The following CHCHD3 variants were observed in gnomAD, a reference collection of about 807,000 sequenced individuals.
CHCHD3 encodes the protein coiled-coil-helix-coiled-coil-helix domain containing 3, also known as MICOS complex subunit MIC19.
A neutral mutation model predicts 38.2 loss-of-function variants in CHCHD3; 20 were observed. The ratio of observed to expected loss-of-function variants is 0.52; its 90% CI spans 0.37 to 0.76. The LOEUF (loss-of-function observed/expected upper bound fraction) is 0.76, where lower values mean the gene tolerates loss of function less well. CHCHD3 is among the 30% of genes least tolerant of loss of function. CHCHD3 has a pLI of 0.00. For synonymous variants in CHCHD3, 82 were observed against 100.0 expected, an observed-to-expected ratio of 0.82 and a Z score of 1.07; for missense variants, 245 against 279.2, an observed-to-expected ratio of 0.88 and a Z score of 0.87.
chr7:132,844,748 C>T (rs1448786080), intron 5 of CHCHD3, among the ~76,000 whole-genome samples: 1 of 152,178 alleles, frequency 6.6e-6, no homozygotes, highest in Admixed American at 6.5e-5. Context: ...TAAAGACTTG[C>T]ACATCCTTGT....
At chr7:132,992,957 G>GT (rs1772133857) in intron 3 of CHCHD3, among the ~76,000 whole-genome samples, 1 of 152,100 alleles carries the variant, frequency 6.6e-6, no homozygotes, top group South Asian at 2.1e-4. Flanking sequence ...CTTTTTCACC[G>GT]TAACAGCTGA....
intron 5 of CHCHD3, among the ~76,000 whole-genome samples, chr7:132,853,682 T>G (rs1291633587): frequency 6.6e-6 from 1 of 152,136 alleles, no homozygotes; most frequent in African/African-American, 2.4e-5. Flanking sequence ...ACTTAATATC[T>G]ATATTCAATG....
chr7:132,844,319 GA>G (rs1165595524), intron 5 of CHCHD3, among the ~76,000 whole-genome samples: 27 of 150,488 alleles, frequency 1.8e-4, no homozygotes, highest in African/African-American at 6.3e-4. Flanking sequence ...AAAATGTGGA[GA>G]AAGAAAGATG....
At chr7:132,862,919 G>A (rs1250684961) in intron 5 of CHCHD3, among the ~76,000 whole-genome samples, 1 of 152,082 alleles carries the variant, frequency 6.6e-6, no homozygotes, top group African/African-American at 2.4e-5. Flanking sequence ...TTCCATCTTT[G>A]GGCTCCACTT....
At chr7:133,019,463 C>A in intron 3 of CHCHD3, among the ~76,000 whole-genome samples, 1 of 152,044 alleles carries the variant, frequency 6.6e-6, no homozygotes, top group Non-Finnish European at 1.5e-5. Flanking sequence ...ACAATGCTAT[C>A]AATGGAAAAA....
chr7:132,817,077 C>T (rs189176196), intron 6 of CHCHD3, among the ~76,000 whole-genome samples: 9 of 152,252 alleles, frequency 5.9e-5, no homozygotes, highest in East Asian at 3.9e-4. Flanking sequence ...AGAAAGATGG[C>T]GATTTCTCTG....
chr7:132,886,505 T>C (rs191398246), intron 4 of CHCHD3, among the ~76,000 whole-genome samples: 132 of 151,918 alleles, frequency 8.7e-4, no homozygotes, highest in African/African-American at 3.0e-3. Flanking sequence ...TATGTTTAAT[T>C]GGCCTTTATC....
At chr7:132,853,170 A>G (rs1366379023) in intron 5 of CHCHD3, among the ~76,000 whole-genome samples, 2 of 152,224 alleles carry the variant, frequency 1.3e-5, no homozygotes, top group Non-Finnish European at 2.9e-5. Context: ...TAAGAAGATG[A>G]AACAACTCCG....
intron 5 of CHCHD3, among the ~76,000 whole-genome samples, chr7:132,845,966 G>A (rs1020531681): frequency 1.6e-4 from 24 of 152,162 alleles, no homozygotes; most frequent in Admixed American, 2.6e-4. Context: ...AGAAGGGCAT[G>A]CTATTATCTT....
rs1814772701 is a variant in CHCHD3, at chr7:133,070,000, A to G, written c.169+142T>C. On this transcript the variant is annotated intron_variant, in intron 2 of 7. Coordinates refer to ENST00000262570, the MANE Select transcript of CHCHD3 (RefSeq NM_017812.4). ...TACAAAACATTTTAAAAGAAACCCCAATACTGATTTCTAATATTCCTTATT... is the reference window on the plus strand; with the variant it reads ...TACAAAACATTTTAAAAGAAACCCCGATACTGATTTCTAATATTCCTTATT... The G allele has an allele frequency of 6.5e-6, 4 of 613,320 alleles. No homozygotes were observed. The South Asian group carries it at 9.7e-5, about 15-fold the overall frequency. The allele number at this position is 613,320 out of a possible 1,614,324, so 38.0% of individuals were successfully genotyped here.
At chr7:132,860,298 T>TAGAG (rs1340260384) in intron 5 of CHCHD3, among the ~76,000 whole-genome samples, 1 of 96,288 alleles carries the variant, frequency 1.0e-5, no homozygotes, top group South Asian at 4.1e-4. Context: ...TATAGATAGA[T>TAGAG]AGATAGAGAG....
At chr7:133,046,502 GTATATTA>G (rs1813985083) in intron 2 of CHCHD3, among the ~76,000 whole-genome samples, 1 of 152,054 alleles carries the variant, frequency 6.6e-6, no homozygotes, top group East Asian at 1.9e-4. Context: ...GTAAGTCAGT[GTATATTA>G]CAAACTTGGG....
intron 7 of CHCHD3, among the ~76,000 whole-genome samples, chr7:132,791,053 G>A (rs1806448057): frequency 6.6e-6 from 1 of 152,196 alleles, no homozygotes; most frequent in African/African-American, 2.4e-5. Context: ...GGAAAACAAG[G>A]ACTTGGCAGG....
chr7:132,940,343 T>C (rs1810734170), intron 4 of CHCHD3, among the ~76,000 whole-genome samples: 1 of 152,212 alleles, frequency 6.6e-6, no homozygotes, highest in Non-Finnish European at 1.5e-5. Flanking sequence ...CTCAATTATC[T>C]GGCATCCCTG....
intron 4 of CHCHD3, among the ~76,000 whole-genome samples, chr7:132,904,641 TG>T (rs529832428): frequency 3.6e-3 from 543 of 152,296 alleles, no homozygotes; most frequent in Non-Finnish European, 6.2e-3. Flanking sequence ...ACACTGTTGG[TG>T]GGACTGCAAA....
At chr7:132,916,837 TC>T (rs1445448163) in intron 4 of CHCHD3, among the ~76,000 whole-genome samples, 1 of 152,146 alleles carries the variant, frequency 6.6e-6, no homozygotes, top group Admixed American at 6.5e-5. Context: ...CACCTCAGCC[TC>T]CCAAAGTACT....
At chr7:132,933,765 G>A (rs1168883266) in intron 4 of CHCHD3, among the ~76,000 whole-genome samples, 2 of 152,188 alleles carry the variant, frequency 1.3e-5, no homozygotes, top group Non-Finnish European at 2.9e-5. Context: ...AAGAATCCCT[G>A]GGCAAAGGGG....
intron 3 of CHCHD3, among the ~76,000 whole-genome samples, chr7:132,990,951 T>TACCCACACACACACACACACACACAC (rs1812262816): frequency 7.0e-6 from 1 of 143,692 alleles, no homozygotes; most frequent in African/African-American, 2.7e-5. Context: ...CAGACACACA[T>TACCCACACACACACACACACACACAC]ACACACACAC....
intron 3 of CHCHD3, among the ~76,000 whole-genome samples, chr7:132,979,396 G>C (rs1296222564): frequency 1.3e-5 from 2 of 152,090 alleles, no homozygotes; most frequent in Admixed American, 6.5e-5. Context: ...GGACTACTCT[G>C]GTTACTGAGA....
Sources: allele counts gnomAD v4.1 joint callset (sites outside exome capture counted in the v4.1 genomes callset), GRCh38; gene constraint gnomAD v4.1.1; transcripts MANE v1.5; gene names NCBI Gene and HGNC (gene_info 2026-07-23, HGNC 2026-07-21).